The following KIAA1671 variants were observed in gnomAD, a reference collection of about 807,000 sequenced individuals.
KIAA1671 encodes KIAA1671.
Under a neutral mutation model 131.2 loss-of-function variants are expected in KIAA1671, and 52 were observed. That is an observed-to-expected ratio of 0.40 (90% CI 0.32 to 0.50). The LOEUF is 0.50. KIAA1671 is among the 20% of genes least tolerant of loss of function. KIAA1671 has a pLI of 0.73. For synonymous variants in KIAA1671, 1,003 were observed against 961.6 expected, an observed-to-expected ratio of 1.04 and a Z score of -0.80; for missense variants, 2,360 against 2,364.2, an observed-to-expected ratio of 1.00 and a Z score of 0.04.
At position 25,029,076 on chromosome 22, in the gene KIAA1671, T is replaced by G. The variant is rs1926122170; in HGVS notation, c.1077T>G (p.Leu359=). ...TCCGTGAACGGAAGGAGAAGATGCT[T>G]TCGAAGCCGGAGATGGGCAGCCCCA... ...KKIRERKEKM[L]SKPEMGSPRA... Residue 359 remains leucine (L), a synonymous_variant, in exon 3 of 13, where the codon CTT becomes CTG. Transcript: ENST00000358431. 1.3e-5 allele frequency: 19 copies of G among 1,497,718 alleles called. No homozygotes were observed. Among genetic ancestry groups the G allele is most frequent in the Non-Finnish European group, 1.7e-5 (19 of 1,121,502 alleles). 92.8% of individuals were successfully genotyped at this position (1,497,718 alleles called of 1,614,324 possible).
chr22:25,171,624 A>G (rs1933851643), intron 7 of KIAA1671, among the ~76,000 whole-genome samples: 1 of 152,042 alleles, frequency 6.6e-6, no homozygotes, highest in Admixed American at 6.6e-5. Context: ...CTGAAGCACA[A>G]GAATCACTTG....
intron 6 of KIAA1671, among the ~76,000 whole-genome samples, chr22:25,155,432 G>T (rs553447553): frequency 1.8e-4 from 28 of 151,772 alleles, no homozygotes; most frequent in South Asian, 1.0e-3. Context: ...TGTGTGTGTG[G>T]GGGGGTTTTT....
At chr22:24,961,010 G>A (rs1396595239) in intron 1 of KIAA1671, among the ~76,000 whole-genome samples, 1 of 152,046 alleles carries the variant, frequency 6.6e-6, no homozygotes, top group African/African-American at 2.4e-5. Context: ...TCTTTTTGTT[G>A]TTGTTGTTTT....
intron 6 of KIAA1671, among the ~76,000 whole-genome samples, chr22:25,088,726 A>G (rs537936827): frequency 1.1e-4 from 17 of 152,200 alleles, no homozygotes; most frequent in Non-Finnish European, 2.2e-4. Context: ...CTAAAGAGAA[A>G]TTGGTCTCCC....
chr22:25,038,092 CT>C (rs1230191074), intron 4 of KIAA1671, among the ~76,000 whole-genome samples: 1 of 152,192 alleles, frequency 6.6e-6, no homozygotes, highest in Non-Finnish European at 1.5e-5. Flanking sequence ...TTGCTTTGGC[CT>C]CCCAAAGTGC....
At chr22:25,170,428 T>C (rs1601379291) in intron 6 of KIAA1671, among the ~76,000 whole-genome samples, 1 of 152,128 alleles carries the variant, frequency 6.6e-6, no homozygotes, top group African/African-American at 2.4e-5. Context: ...GGCAAGCGGG[T>C]GCATGGAGCT....
At chr22:25,099,603 G>A (rs1930564637) in intron 6 of KIAA1671, among the ~76,000 whole-genome samples, 2 of 134,766 alleles carry the variant, frequency 1.5e-5, no homozygotes, top group South Asian at 2.6e-4. Flanking sequence ...CACCTAGGTT[G>A]GAGTGCAGTG....
intron 6 of KIAA1671, among the ~76,000 whole-genome samples, chr22:25,093,682 G>GACACACACACAC (rs67802603): frequency 2.0e-4 from 10 of 49,952 alleles, no homozygotes; most frequent in East Asian, 6.0e-4. Context: ...CCTGCCCCCC[G>GACACACACACAC]ACACACACAC....
rs927378071 is a variant in KIAA1671 at position 25,030,407 on chromosome 22, C to T, written c.1541+867C>T. Among the ~76,000 whole-genome samples, 93 of 152,016 alleles carry T rather than the reference C, an allele frequency of 6.1e-4. 1 individual carries two copies. In the South Asian group the frequency reaches 0.019, roughly 31 times the overall value. On this transcript the variant is annotated intron_variant, in intron 3 of 12. Coordinates refer to ENST00000358431, the MANE Select transcript of KIAA1671 (RefSeq NM_001145206.2). Reference sequence around the variant, plus strand: ...AAAATTAGCCAGGCGTGGTGGCAGGCGCCTGTAGTCCCAGCTACTCAGGAG... The same window carrying T: ...AAAATTAGCCAGGCGTGGTGGCAGGTGCCTGTAGTCCCAGCTACTCAGGAG...
intron 6 of KIAA1671, chr22:25,061,534 C>A (rs974876775): frequency 3.3e-5 from 5 of 152,262 alleles, no homozygotes; most frequent in Non-Finnish European, 7.3e-5. Context: ...TGCAGTCAGC[C>A]TGCTGAGTGC....
At chr22:25,067,808 GCCCTGGCGGGC>G (rs1928561262) in intron 6 of KIAA1671, among the ~76,000 whole-genome samples, 1 of 152,232 alleles carries the variant, frequency 6.6e-6, no homozygotes, top group Non-Finnish European at 1.5e-5. Context: ...TGTCAGAAAG[GCCCTGGCGGGC>G]CCCTGTGTTT....
At chr22:25,077,486 C>G (rs9620484) in intron 6 of KIAA1671, among the ~76,000 whole-genome samples, 1 of 152,180 alleles carries the variant, frequency 6.6e-6, no homozygotes, top group Non-Finnish European at 1.5e-5. Context: ...TCTCCAGCCC[C>G]GCCCAGGGTC....
At chr22:25,146,321 G>A (rs551304272) in intron 6 of KIAA1671, among the ~76,000 whole-genome samples, 4 of 152,312 alleles carry the variant, frequency 2.6e-5, no homozygotes, top group African/African-American at 9.6e-5. Context: ...TCCATATCAA[G>A]TAGGCTTTGT....
chr22:25,028,183 C>T lies in KIAA1671; in HGVS notation c.184C>T (p.Pro62Ser). The change falls in exon 3 of 13, where the codon CCT (proline) becomes TCT (serine). Residue 62 changes from proline (P) to serine (S), a missense_variant. This residue lies in a region of KIAA1671 where 1,185 missense variants were observed against 1,126.2 expected (regional missense o/e 1.05). Transcript: ENST00000358431. ...SPLRSPARLL[P>S]LPRLAPKPFS... is the part of the protein sequence containing the mutation. ...CCTGCGGAGCCCGGCCCGGTTACTC[C>T]CTCTGCCAAGGCTCGCCCCCAAACC... The T allele has an allele frequency of 1.9e-6, 3 of 1,549,908 alleles. No homozygotes were observed. The highest frequency in any genetic ancestry group is 4.9e-5 in the East Asian group (2 of 40,858).
intron 6 of KIAA1671, among the ~76,000 whole-genome samples, chr22:25,160,709 A>C (rs898468635): frequency 6.6e-6 from 1 of 152,116 alleles, no homozygotes; most frequent in African/African-American, 2.4e-5. Context: ...ACACCTGACT[A>C]CACCTGGCCA....
intron 6 of KIAA1671, among the ~76,000 whole-genome samples, chr22:25,093,804 CTCTCTCTGTCTCTCTCTCTT>C (rs1930226395): frequency 1.0e-4 from 14 of 137,788 alleles, no homozygotes; most frequent in South Asian, 2.4e-4. Context: ...CTCTCTCTCT[CTCTCTCTGTCTCTCTCTCTT>C]TCTCTCTCTG....
At chr22:25,125,554 G>A (rs781328735) in intron 6 of KIAA1671, among the ~76,000 whole-genome samples, 1 of 152,116 alleles carries the variant, frequency 6.6e-6, no homozygotes. Context: ...TGTAGAACTG[G>A]GTTTCACACC....
intron 1 of KIAA1671, among the ~76,000 whole-genome samples, chr22:25,015,963 T>G (rs1925292148): frequency 6.6e-6 from 1 of 152,134 alleles, no homozygotes; most frequent in African/African-American, 2.4e-5. Flanking sequence ...TTGATTTAAC[T>G]CCCTCAACTA....
chr22:25,028,085 C>A lies in KIAA1671; in HGVS notation c.86C>A (p.Thr29Lys). The change falls in exon 3 of 13, where the codon ACG (threonine) becomes AAG (lysine). Residue 29 changes from threonine (T) to lysine (K), a missense_variant. By Grantham distance (78) the Thr-to-Lys change is moderately conservative. This residue lies in a region of KIAA1671 where 1,185 missense variants were observed against 1,126.2 expected (regional missense o/e 1.05). Coordinates refer to ENST00000358431, the MANE Select transcript of KIAA1671 (RefSeq NM_001145206.2). ...LGEMGKEETLTRTYFLQAGEA... is the reference protein window; with the variant it reads ...LGEMGKEETLKRTYFLQAGEA... Reference sequence around the variant, plus strand: ...GAGATGGGCAAGGAGGAGACCCTGACGAGGACCTACTTCCTCCAGGCCGGC... The same window carrying A: ...GAGATGGGCAAGGAGGAGACCCTGAAGAGGACCTACTTCCTCCAGGCCGGC... The A allele has an allele frequency of 6.4e-7, 1 of 1,551,060 alleles. No homozygotes were observed. The highest frequency in any genetic ancestry group is 8.7e-7 in the Non-Finnish European group (1 of 1,146,676).
Sources: gnomAD v4.1 joint callset for allele counts (sites outside exome capture counted in the v4.1 genomes callset) on GRCh38, gnomAD v4.1.1 for gene constraint, gnomAD v4.1.1 regional missense constraint, MANE v1.5 for transcripts, NCBI Gene and HGNC (gene_info 2026-07-23, HGNC 2026-07-21) for gene names.